Variants in UNC13A observed in about 807,000 individuals in gnomAD.
UNC13A encodes the protein unc-13 homolog A.
A neutral mutation model predicts 219.7 loss-of-function variants in UNC13A; 61 were observed. That is an observed-to-expected ratio of 0.28 (90% CI 0.23 to 0.34). The LOEUF (loss-of-function observed/expected upper bound fraction) is 0.34. UNC13A is among the 10% of genes least tolerant of loss of function. The pLI is 1.00. For missense variants in UNC13A, 1,476 were observed against 2,270.3 expected, an observed-to-expected ratio of 0.65 and a Z score of 7.11; for synonymous variants, 920 against 884.6, an observed-to-expected ratio of 1.04 and a Z score of -0.71.
intron 11 of UNC13A, among the ~76,000 whole-genome samples, chr19:17,654,059 C>G (rs1374727957): frequency 6.6e-6 from 1 of 151,384 alleles, no homozygotes; most frequent in East Asian, 2.0e-4. Context: ...GATCTCCTGA[C>G]CTCGTGATCC....
At chr19:17,611,035 AAAAC>A (rs879622512) in intron 42 of UNC13A, among the ~76,000 whole-genome samples, 3 of 152,134 alleles carry the variant, frequency 2.0e-5, no homozygotes, top group South Asian at 2.1e-4. Flanking sequence ...TCTGGCCTCT[AAAAC>A]AAACAAACAA....
Position 17,649,038 on chromosome 19 carries a change from C to T in UNC13A, c.1525-55G>A, listed in dbSNP as rs755831506. On this transcript the variant is annotated intron_variant, in intron 14 of 43. Coordinates refer to ENST00000519716, the MANE Select transcript of UNC13A (RefSeq NM_001080421.3). This position sits in a 1 kb window ranked among gnomAD's most constrained non-coding sequence, Gnocchi z 4.4. ...GGGGTTGACATCCATGAGATCACCA[C>T]CAGGAGAGTTCACAGCCACGGATGG... 6.6e-7 allele frequency: 1 copy of T among 1,522,468 alleles called. No individual in the cohort carries two copies. The highest frequency in any genetic ancestry group is 1.2e-5 in the South Asian group (1 of 81,606). 94.3% of individuals were successfully genotyped at this position (1,522,468 alleles called of 1,614,324 possible). A position where few individuals can be genotyped will look rare whatever the true frequency, so the allele number is the denominator to read the frequency against.
chr19:17,661,030 C>G (rs2079541911), intron 8 of UNC13A, among the ~76,000 whole-genome samples: 1 of 151,986 alleles, frequency 6.6e-6, no homozygotes, highest in Non-Finnish European at 1.5e-5. Flanking sequence ...TCCCAACCTC[C>G]TGGGCTCAAA....
At chr19:17,626,903 T>C in intron 33 of UNC13A, 118 bp from the exon 34 acceptor site, 4 of 1,402,758 alleles carry the variant, frequency 2.9e-6, no homozygotes, top group Non-Finnish European at 3.8e-6. Flanking sequence ...CGAGCAAGAA[T>C]GGAGAACAGG....
Position 17,605,598 on chromosome 19 carries a change from C to G in UNC13A, c.*456G>C, listed in dbSNP as rs1168210641. On this transcript the variant is annotated 3_prime_UTR_variant, in exon 44 of 44. Transcript: ENST00000519716. Reference sequence around the variant, plus strand: ...AGGGGCGCTCCAGAGAGCCCTACCCCTTGCCCAGGGCCCCCCCTCGAGGGA... The same window carrying G: ...AGGGGCGCTCCAGAGAGCCCTACCCGTTGCCCAGGGCCCCCCCTCGAGGGA... 2 of 159,500 alleles carry G rather than the reference C, an allele frequency of 1.3e-5. No homozygotes were observed. Among genetic ancestry groups the G allele is most frequent in the East Asian group, 3.7e-4 (2 of 5,348 alleles). The allele number at this position is 159,500 out of a possible 1,614,324, so 9.9% of individuals were successfully genotyped here. A position where few individuals can be genotyped will look rare whatever the true frequency, so the allele number is the denominator to read the frequency against.
chr19:17,675,166 A>G (rs1005886529), intron 2 of UNC13A, among the ~76,000 whole-genome samples: 1 of 151,346 alleles, frequency 6.6e-6, no homozygotes, highest in East Asian at 1.9e-4. Context: ...TATCTCTACT[A>G]AAAAATACAA....
At chr19:17,681,660 C>T (rs1032247677) in intron 1 of UNC13A, among the ~76,000 whole-genome samples, 35 of 152,190 alleles carry the variant, frequency 2.3e-4, no homozygotes, top group Non-Finnish European at 2.4e-4. Context: ...ATAGTAGGTG[C>T]TCATTAAATA....
intron 5 of UNC13A, among the ~76,000 whole-genome samples, chr19:17,668,462 G>A (rs2079706775): frequency 6.6e-6 from 1 of 152,116 alleles, no homozygotes; most frequent in Non-Finnish European, 1.5e-5. Context: ...GGGTGGGGAA[G>A]CCATTGTTTT....
intron 26 of UNC13A, 80 bp downstream of exon 26, chr19:17,635,944 A>G: frequency 1.3e-6 from 2 of 1,494,366 alleles, no homozygotes; most frequent in Non-Finnish European, 1.8e-6. Context: ...AGACAAAATC[A>G]TCTTGACACA....
At chr19:17,672,173 A>G (rs2079801434) in intron 4 of UNC13A, among the ~76,000 whole-genome samples, 1 of 152,200 alleles carries the variant, frequency 6.6e-6, no homozygotes. Context: ...TGGGGCCACA[A>G]GGTGGAAGCC....
chr19:17,628,133 T>C (rs897030262), intron 31 of UNC13A, 193 bp from the exon 32 acceptor site: 1 of 585,896 alleles, frequency 1.7e-6, no homozygotes. Flanking sequence ...CGGGCATCTC[T>C]GGGGACTGGT....
At chr19:17,673,279 C>A (rs2079825532) in intron 3 of UNC13A, among the ~76,000 whole-genome samples, 1 of 150,408 alleles carries the variant, frequency 6.6e-6, no homozygotes, top group South Asian at 2.1e-4. Flanking sequence ...ATTGCTTGAA[C>A]CCAGGAGGCG....
chr19:17,687,404 G>C (rs2080135172), intron 1 of UNC13A, among the ~76,000 whole-genome samples: 1 of 152,186 alleles, frequency 6.6e-6, no homozygotes, highest in African/African-American at 2.4e-5. Flanking sequence ...CTTCCAAGAA[G>C]TAGGCTCCCT....
chr19:17,669,534 C>A lies in UNC13A; in HGVS notation c.394+19G>T, dbSNP rs781681176. The A allele has an allele frequency of 6.2e-7, 1 of 1,611,280 alleles. No homozygotes were observed. Among genetic ancestry groups the A allele is most frequent in the South Asian group, 1.1e-5 (1 of 90,786 alleles). ...ACTGGGGCTGGGGCTGGGTGAAGGT[C>A]CCGGGCCCCTGTACTCACCTAAGGG... On this transcript the variant is annotated intron_variant, in intron 5 of 43. Coordinates refer to ENST00000519716, the MANE Select transcript of UNC13A (RefSeq NM_001080421.3).
At chr19:17,639,609 T>C in intron 23 of UNC13A, 84 bp from the exon 24 acceptor site, 1 of 1,451,642 alleles carries the variant, frequency 6.9e-7, no homozygotes, top group Non-Finnish European at 9.4e-7. Context: ...ATACAAAGGC[T>C]CCCCGGTTTC....
Position 17,611,858 on chromosome 19 carries a change from G to T in UNC13A, c.4559-3C>A. ...CACAGGGTCTTCTACACCCAAGCCT[G>T]GGCAGGGCAGGGGAGGATGGTCAGC... On this transcript the variant is annotated splice_polypyrimidine_tract_variant and splice_region_variant and intron_variant, in intron 41 of 43. Transcript: ENST00000519716. 1 of 1,613,540 alleles carries T rather than the reference G, an allele frequency of 6.2e-7. No individual in the cohort carries two copies. The highest frequency in any genetic ancestry group is 8.5e-7 in the Non-Finnish European group (1 of 1,179,522).
At chr19:17,641,610 CA>C in intron 20 of UNC13A, 54 bp from the exon 21 acceptor site, 2 of 1,581,044 alleles carry the variant, frequency 1.3e-6, no homozygotes, top group Non-Finnish European at 1.7e-6. Flanking sequence ...CGCCGGGGGT[CA>C]GAGGTCCCAG....
At chr19:17,658,344 A>G (rs1701043044) in intron 8 of UNC13A, 75 bp from the exon 9 acceptor site, 2 of 1,437,896 alleles carry the variant, frequency 1.4e-6, no homozygotes, top group Admixed American at 2.0e-5. Context: ...ACAATTTCCC[A>G]GACTTACGGT....
At chr19:17,640,720 C>T in intron 21 of UNC13A, 59 bp from the exon 22 acceptor site, 11 of 1,485,230 alleles carry the variant, frequency 7.4e-6, no homozygotes, top group Admixed American at 2.3e-5. Context: ...GACCAAGATC[C>T]CCCCTAGAAT....
Sources: gnomAD v4.1 joint callset for allele counts (sites outside exome capture counted in the v4.1 genomes callset) on GRCh38, gnomAD v4.1.1 for gene constraint, Gnocchi (gnomAD v3.1) non-coding constraint, MANE v1.5 for transcripts, NCBI Gene and HGNC (gene_info 2026-07-23, HGNC 2026-07-21) for gene names.